Variants in COL21A1 observed in about 807,000 individuals in gnomAD.
COL21A1 encodes the protein collagen alpha-1(XXI) chain.
In COL21A1, 149 loss-of-function variants were observed where a neutral mutation model predicts 137.9. The observed-to-expected ratio is 1.08, with a 90% confidence interval of 0.95 to 1.24. COL21A1 has a LOEUF of 1.24. COL21A1 is among the 50% of genes most tolerant of loss of function. The pLI is 0.00. For synonymous variants in COL21A1, 456 were observed against 391.5 expected (o/e 1.16, Z -1.95); for missense variants, 1,167 against 1,158.4 (o/e 1.01, Z -0.11).
chr6:56,321,550 T>C (rs761974825), intron 1 of COL21A1, among the ~76,000 whole-genome samples: 2 of 152,172 alleles, frequency 1.3e-5, no homozygotes, highest in African/African-American at 2.4e-5. Flanking sequence ...ATGTAAATGA[T>C]GTTAGACAAA....
intron 1 of COL21A1, among the ~76,000 whole-genome samples, chr6:56,279,572 A>G (rs919097876): frequency 6.6e-6 from 1 of 152,184 alleles, no homozygotes; most frequent in Admixed American, 6.5e-5. Context: ...GTCAGATTTG[A>G]TAACTCAAGG....
At chr6:56,205,150 A>C (rs958432344) in intron 1 of COL21A1, among the ~76,000 whole-genome samples, 2 of 152,210 alleles carry the variant, frequency 1.3e-5, no homozygotes, top group African/African-American at 2.4e-5. Flanking sequence ...AATTGACAGA[A>C]GTAGGCTTCA....
intron 1 of COL21A1, among the ~76,000 whole-genome samples, chr6:56,357,664 G>A (rs1765865616): frequency 1.3e-5 from 2 of 152,156 alleles, no homozygotes; most frequent in East Asian, 3.8e-4. Context: ...GCTCTGCCAC[G>A]GAGAAATTTT....
intron 1 of COL21A1, among the ~76,000 whole-genome samples, chr6:56,387,290 T>C (rs2094019905): frequency 6.6e-6 from 1 of 152,224 alleles, no homozygotes; most frequent in African/African-American, 2.4e-5. Flanking sequence ...ACCAGGGATT[T>C]ATCATGCTGT....
At chr6:56,069,792 C>T (rs1320709250) in intron 21 of COL21A1, among the ~76,000 whole-genome samples, 6 of 150,542 alleles carry the variant, frequency 4.0e-5, no homozygotes, top group African/African-American at 1.5e-4. Flanking sequence ...TAATAAAATT[C>T]TTATTGTTAA....
chr6:56,074,242 G>T lies in COL21A1; in HGVS notation c.1955C>A (p.Pro652Gln). Residue 652 changes from proline to glutamine, a missense_variant, in exon 20 of 30, where the codon CCG becomes CAG. Physicochemically the swap from Pro to Gln is moderately conservative, Grantham distance 76. Transcript: ENST00000244728. ...SNGSPGQPGT[P>Q]GSKGSKGEPG... The stretch of plus-strand genomic sequence containing the variant: ...TTTTATCATATTTACCTTAGATCCC[G>T]GTGTTCCAGGCTGGCCTGGTGAGCC... 2 of 1,581,134 alleles carry T rather than the reference G, an allele frequency of 1.3e-6. No individual in the cohort carries two copies.
At chr6:56,111,361 T>C (rs1022740651) in intron 16 of COL21A1, among the ~76,000 whole-genome samples, 13 of 152,284 alleles carry the variant, frequency 8.5e-5, no homozygotes, top group Non-Finnish European at 1.5e-5. Context: ...GACTGGATCC[T>C]GGCACAGAAA....
chr6:56,132,762 T>C (rs924450589), intron 12 of COL21A1, among the ~76,000 whole-genome samples: 2 of 152,192 alleles, frequency 1.3e-5, no homozygotes, highest in African/African-American at 2.4e-5. Context: ...AATTGAATCA[T>C]AGGGGCGGGT....
intron 1 of COL21A1, among the ~76,000 whole-genome samples, chr6:56,307,474 G>GA (rs1562048886): frequency 4.6e-5 from 7 of 152,196 alleles, no homozygotes; most frequent in African/African-American, 1.7e-4. Flanking sequence ...ATCTCAGACT[G>GA]CTGTGCTAGC....
At chr6:56,281,381 C>T (rs1207052083) in intron 1 of COL21A1, among the ~76,000 whole-genome samples, 1 of 152,090 alleles carries the variant, frequency 6.6e-6, no homozygotes, top group Non-Finnish European at 1.5e-5. Context: ...GAACATGTTT[C>T]GTCCTTTTTA....
chr6:56,163,060 C>A (rs1171737424), intron 9 of COL21A1, among the ~76,000 whole-genome samples: 1 of 151,834 alleles, frequency 6.6e-6, no homozygotes, highest in Non-Finnish European at 1.5e-5. Context: ...AATGGTTAGG[C>A]CTGAAAATGA....
intron 1 of COL21A1, among the ~76,000 whole-genome samples, chr6:56,359,733 T>C (rs551755649): frequency 1.0e-3 from 158 of 152,256 alleles, no homozygotes; most frequent in African/African-American, 3.6e-3. Context: ...GACCAAGTAG[T>C]GCATTAAATT....
chr6:56,191,887 A>C (rs997923650), intron 1 of COL21A1, among the ~76,000 whole-genome samples: 1 of 152,138 alleles, frequency 6.6e-6, no homozygotes, highest in African/African-American at 2.4e-5. Flanking sequence ...GAGCCCACAT[A>C]ACCAAGACAA....
At position 56,170,594 on chromosome 6, in the gene COL21A1, C is replaced by A. The variant is rs527402901; in HGVS notation, c.1026+55G>T. ...CTCTTTTCCCCAACACACATAAACC[C>A]AATAGTGCTTCCCCATGAATATCAT... On this transcript the variant is annotated intron_variant, in intron 5 of 29. Transcript: ENST00000244728. 8.9e-6 allele frequency: 11 copies of A among 1,230,244 alleles called. No individual in the cohort carries two copies. In the East Asian group the frequency reaches 2.3e-4, roughly 25 times the overall value. 76.2% of individuals were successfully genotyped at this position (1,230,244 alleles called of 1,614,324 possible).
At chr6:56,319,126 A>G (rs1764810423) in intron 1 of COL21A1, among the ~76,000 whole-genome samples, 1 of 152,150 alleles carries the variant, frequency 6.6e-6, no homozygotes, top group African/African-American at 2.4e-5. Context: ...TTTCTGGGAC[A>G]TCGCCCTCCT....
Position 56,302,217 on chromosome 6 carries a change from G to T in COL21A1, c.-39+91754C>A, listed in dbSNP as rs531534141. Among the ~76,000 whole-genome samples, 335 of 151,836 alleles carry T rather than the reference G, an allele frequency of 2.2e-3. 2 individuals carry two copies. Among genetic ancestry groups the T allele is most frequent in the African/African-American group, 7.7e-3 (318 of 41,492 alleles). ...TCTGCATGTGTCTTTATAGCAGCAC[G>T]ATTTATAATCCTTTGGGTATATACC... On this transcript the variant is annotated intron_variant, in intron 1 of 28. Coordinates refer to the COL21A1 transcript ENST00000370819.
chr6:56,294,413 A>G (rs569001051), intron 1 of COL21A1, among the ~76,000 whole-genome samples: 1 of 152,222 alleles, frequency 6.6e-6, no homozygotes, highest in South Asian at 2.1e-4. Flanking sequence ...AATTTCACAT[A>G]TTTTTTGTTT....
intron 16 of COL21A1, among the ~76,000 whole-genome samples, chr6:56,123,084 T>C (rs1172505738): frequency 3.9e-5 from 6 of 152,262 alleles, no homozygotes; most frequent in Non-Finnish European, 5.9e-5. Flanking sequence ...ATAAAGTCTG[T>C]GTTCTCTCAC....
chr6:56,392,463 T>A (rs1376781374), intron 1 of COL21A1, among the ~76,000 whole-genome samples: 2 of 152,146 alleles, frequency 1.3e-5, no homozygotes, highest in African/African-American at 4.8e-5. Flanking sequence ...TCACTACTGT[T>A]TTTTCAACAT....
Sources: gnomAD v4.1 joint callset for allele counts (sites outside exome capture counted in the v4.1 genomes callset) on GRCh38, gnomAD v4.1.1 for gene constraint, MANE v1.5 for transcripts, NCBI Gene and HGNC (gene_info 2026-07-23, HGNC 2026-07-21) for gene names.